The following CNTN5 variants were observed in gnomAD, a reference collection of about 807,000 sequenced individuals.
CNTN5 encodes contactin-5.
A neutral mutation model predicts 129.1 loss-of-function variants in CNTN5; 77 were observed. That is an observed-to-expected ratio of 0.60 (90% CI 0.50 to 0.72). The LOEUF is 0.72. Ranked by LOEUF, CNTN5 falls within the 30% of genes least tolerant of loss-of-function variation. The pLI is 0.00. For synonymous variants in CNTN5, 509 were observed against 465.6 expected, an observed-to-expected ratio of 1.09 and a Z score of -1.20; for missense variants, 1,478 against 1,328.8, an observed-to-expected ratio of 1.11 and a Z score of -1.75.
intron 2 of CNTN5, among the ~76,000 whole-genome samples, chr11:99,413,343 G>A (rs1467428068): frequency 6.6e-6 from 1 of 152,184 alleles, no homozygotes; most frequent in Non-Finnish European, 1.5e-5. Flanking sequence ...GCAGGGCTGG[G>A]CACAGGGGCT....
intron 3 of CNTN5, among the ~76,000 whole-genome samples, chr11:99,786,807 A>G (rs1945542790): frequency 6.6e-6 from 1 of 152,198 alleles, no homozygotes; most frequent in South Asian, 2.1e-4. Context: ...CCATATGCAG[A>G]AAACTGAAAC....
chr11:99,594,962 G>A (rs1316344369), intron 3 of CNTN5, among the ~76,000 whole-genome samples: 1 of 152,134 alleles, frequency 6.6e-6, no homozygotes, highest in African/African-American at 2.4e-5. Context: ...GCCAGGTACA[G>A]AATGACAAAC....
At chr11:100,111,372 G>A (rs1945653762) in intron 13 of CNTN5, among the ~76,000 whole-genome samples, 1 of 151,872 alleles carries the variant, frequency 6.6e-6, no homozygotes, top group Non-Finnish European at 1.5e-5. Context: ...ATCTCAAAAA[G>A]GCAGGATACA....
At chr11:99,189,759 T>A (rs1010872922) in intron 1 of CNTN5, among the ~76,000 whole-genome samples, 1 of 151,650 alleles carries the variant, frequency 6.6e-6, no homozygotes, top group African/African-American at 2.4e-5. Flanking sequence ...AGGCTATTCA[T>A]TTTTTGCTGT....
intron 6 of CNTN5, among the ~76,000 whole-genome samples, chr11:99,911,229 G>A (rs927975333): frequency 1.3e-5 from 2 of 151,934 alleles, no homozygotes; most frequent in African/African-American, 4.8e-5. Context: ...AATCGTATCT[G>A]TGTTCACAGC....
chr11:99,090,122 A>G (rs573588768), intron 1 of CNTN5, among the ~76,000 whole-genome samples: 2 of 152,234 alleles, frequency 1.3e-5, no homozygotes, highest in Non-Finnish European at 2.9e-5. Context: ...GTAAAAGTTC[A>G]TAAGAACCCA....
At chr11:100,052,000 T>C (rs1942979129) in intron 9 of CNTN5, among the ~76,000 whole-genome samples, 1 of 151,956 alleles carries the variant, frequency 6.6e-6, no homozygotes, top group Non-Finnish European at 1.5e-5. Context: ...TGATGAATTC[T>C]ATCAAACATG....
chr11:99,369,650 C>T (rs1320486631), intron 2 of CNTN5, among the ~76,000 whole-genome samples: 1 of 151,966 alleles, frequency 6.6e-6, no homozygotes, highest in East Asian at 1.9e-4. Flanking sequence ...TATTAAAATA[C>T]ACCAAAGTAA....
At chr11:99,024,901 A>G (rs1217983070) in intron 1 of CNTN5, among the ~76,000 whole-genome samples, 7 of 152,012 alleles carry the variant, frequency 4.6e-5, no homozygotes, top group Non-Finnish European at 8.8e-5. Context: ...TGTATTTCTT[A>G]AGCTAGAATT....
intron 3 of CNTN5, among the ~76,000 whole-genome samples, chr11:99,743,724 T>A (rs1169341234): frequency 1.3e-5 from 2 of 152,034 alleles, no homozygotes; most frequent in Non-Finnish European, 2.9e-5. Flanking sequence ...TCAAACCTAT[T>A]TAGAAGCCCA....
chr11:99,072,300 T>G (rs914969189), intron 1 of CNTN5, among the ~76,000 whole-genome samples: 3 of 152,048 alleles, frequency 2.0e-5, no homozygotes, highest in Admixed American at 1.3e-4. Context: ...ATAGATAAGG[T>G]AATTTGTTCT....
At chr11:99,879,146 C>T (rs1480802361) in intron 6 of CNTN5, among the ~76,000 whole-genome samples, 1 of 151,874 alleles carries the variant, frequency 6.6e-6, no homozygotes, top group Non-Finnish European at 1.5e-5. Context: ...CCATGTTGGC[C>T]GGGCTGGTCT....
At chr11:99,338,531 T>A (rs887052349) in intron 2 of CNTN5, among the ~76,000 whole-genome samples, 4 of 152,132 alleles carry the variant, frequency 2.6e-5, no homozygotes, top group African/African-American at 9.7e-5. Flanking sequence ...TTTAATTTTA[T>A]TTTGTTGCTA....
chr11:100,106,058 C>T (rs1428776288), intron 13 of CNTN5, among the ~76,000 whole-genome samples: 1 of 152,172 alleles, frequency 6.6e-6, no homozygotes, highest in Non-Finnish European at 1.5e-5. Context: ...GATTTCAGCT[C>T]CTGTAAAGTT....
At chr11:99,844,821 A>G in intron 4 of CNTN5, 31 bp from the exon 5 acceptor site, 1 of 1,581,962 alleles carries the variant, frequency 6.3e-7, no homozygotes, top group Non-Finnish European at 8.6e-7. Context: ...AGTTTAAGGA[A>G]ATTTAAAATG....
chr11:99,890,448 A>G (rs905399386), intron 6 of CNTN5, among the ~76,000 whole-genome samples: 2 of 152,060 alleles, frequency 1.3e-5, no homozygotes, highest in Non-Finnish European at 2.9e-5. Flanking sequence ...ATATTGGATT[A>G]TATATAAGAT....
At chr11:99,433,848 A>T (rs1207599443) in intron 2 of CNTN5, among the ~76,000 whole-genome samples, 1 of 152,156 alleles carries the variant, frequency 6.6e-6, no homozygotes, top group Admixed American at 6.6e-5. Context: ...AGTGATTATA[A>T]ATCCCTCTAC....
At chr11:100,048,714 A>G (rs929485866) in intron 9 of CNTN5, among the ~76,000 whole-genome samples, 3 of 152,068 alleles carry the variant, frequency 2.0e-5, no homozygotes, top group African/African-American at 7.2e-5. Flanking sequence ...TTTATGGAAC[A>G]ATTAGCTACA....
intron 3 of CNTN5, among the ~76,000 whole-genome samples, chr11:99,741,916 C>T (rs1290035671): frequency 3.9e-5 from 6 of 152,006 alleles, no homozygotes; most frequent in Non-Finnish European, 8.8e-5. Flanking sequence ...GTACTAATTT[C>T]CCCCTGATTT....
Sources: gnomAD v4.1 joint callset for allele counts (sites outside exome capture counted in the v4.1 genomes callset) on GRCh38, gnomAD v4.1.1 for gene constraint, MANE v1.5 for transcripts, NCBI Gene and HGNC (gene_info 2026-07-23, HGNC 2026-07-21) for gene names.